The following TASP1 variants were observed in gnomAD, a reference collection of about 807,000 sequenced individuals.
The protein encoded by TASP1 is taspase 1, also known as threonine aspartase 1.
A neutral mutation model predicts 56.6 loss-of-function variants in TASP1; 16 were observed. The ratio of observed to expected loss-of-function variants is 0.28; its 90% confidence interval spans 0.19 to 0.43. The LOEUF (loss-of-function observed/expected upper bound fraction) is 0.43, where lower values mean the gene tolerates loss of function less well. Among genes scored for constraint, TASP1 ranks in the 20% least tolerant of loss-of-function variants. The pLI is 1.00. For missense variants in TASP1, 393 were observed against 511.6 expected, an observed-to-expected ratio of 0.77 and a Z score of 2.24; for synonymous variants, 179 against 184.2, an observed-to-expected ratio of 0.97 and a Z score of 0.23.
chr20:13,636,238 C>T (rs952823057), intron 1 of TASP1, among the ~76,000 whole-genome samples: 8 of 149,712 alleles, frequency 5.3e-5, no homozygotes, highest in Non-Finnish European at 8.9e-5. Context: ...CTCTGCCTCC[C>T]AGGTTCAAGC....
the TASP1 span, among the ~76,000 whole-genome samples, chr20:13,127,149 G>T: frequency 2.0e-5 from 3 of 152,140 alleles, no homozygotes; most frequent in East Asian, 5.8e-4. Context: ...GCCACCACTG[G>T]CCATTGAGGA....
chr20:13,565,946 G>A (rs540349714), intron 7 of TASP1, among the ~76,000 whole-genome samples: 4 of 152,274 alleles, frequency 2.6e-5, no homozygotes, highest in Non-Finnish European at 4.4e-5. Context: ...TGTAACCCAC[G>A]TATTCATCAG....
chr20:13,243,731 T>A, the TASP1 span, among the ~76,000 whole-genome samples: 1 of 152,198 alleles, frequency 6.6e-6, no homozygotes, highest in Admixed American at 6.5e-5. Context: ...GCTATATCCA[T>A]CACCGTTAAG....
chr20:13,474,669 T>G (rs1028664666), intron 11 of TASP1, among the ~76,000 whole-genome samples: 1 of 152,166 alleles, frequency 6.6e-6, no homozygotes, highest in African/African-American at 2.4e-5. Flanking sequence ...GACTGCTGGA[T>G]CAAATGGTAG....
At chr20:13,497,590 C>T (rs78856885) in intron 10 of TASP1, among the ~76,000 whole-genome samples, 2,548 of 152,160 alleles carry the variant, frequency 0.017, 72 homozygotes, top group African/African-American at 0.056. Context: ...TGCTCGGATC[C>T]CAGCCTTTGC....
chr20:13,212,695 T>A, the TASP1 span, among the ~76,000 whole-genome samples: 1 of 152,176 alleles, frequency 6.6e-6, no homozygotes, highest in Non-Finnish European at 1.5e-5. Context: ...AAACTACAAT[T>A]TCAGAATCAA....
At chr20:13,328,657 G>A in the TASP1 span, among the ~76,000 whole-genome samples, 1 of 152,174 alleles carries the variant, frequency 6.6e-6, no homozygotes, top group Non-Finnish European at 1.5e-5. Flanking sequence ...CCTTTGCAGG[G>A]ACATGCATGG....
the TASP1 span, among the ~76,000 whole-genome samples, chr20:13,350,705 T>C: frequency 2.0e-5 from 3 of 152,040 alleles, no homozygotes; most frequent in African/African-American, 7.2e-5. Flanking sequence ...TATACATTTT[T>C]AGAGACAGAG....
At chr20:13,562,998 ACACACACATAGG>A (rs2046399900) in intron 7 of TASP1, among the ~76,000 whole-genome samples, 3 of 141,678 alleles carry the variant, frequency 2.1e-5, no homozygotes, top group Non-Finnish European at 4.6e-5. Flanking sequence ...ACACATATAT[ACACACACATAGG>A]TGTATATATA....
rs59833009 is a variant in TASP1 at position 13,398,373 on chromosome 20, T to TAA, written c.1171-7923_1171-7922dup. Reference sequence around the variant, plus strand: ...TGGGTCCTGGCAGGTGCTCTCTCTTTAAAAAAAAAAAAGCGGGGGGCAGTG... The same window carrying TAA: ...TGGGTCCTGGCAGGTGCTCTCTCTTTAAAAAAAAAAAAAAGCGGGGGGCAGTG... On this transcript the variant is annotated intron_variant, in intron 13 of 13. Transcript: ENST00000337743. Among the ~76,000 whole-genome samples, 597 of 142,632 alleles carry TAA rather than the reference T, an allele frequency of 4.2e-3. 2 individuals carry two copies. Among genetic ancestry groups the TAA allele is most frequent in the East Asian group, 0.011 (52 of 4,898 alleles). The allele number at this position is 142,632 out of a possible 152,430, so 93.6% of individuals were successfully genotyped here. A position where few individuals can be genotyped will look rare whatever the true frequency, so the allele number is the denominator to read the frequency against.
At chr20:13,107,761 G>A in the TASP1 span, among the ~76,000 whole-genome samples, 27 of 144,850 alleles carry the variant, frequency 1.9e-4, no homozygotes, top group African/African-American at 7.3e-4. Flanking sequence ...TTAAAGAAAG[G>A]AAAGGAAAAT....
chr20:13,594,227 C>A (rs2047642742), intron 4 of TASP1, among the ~76,000 whole-genome samples: 1 of 152,102 alleles, frequency 6.6e-6, no homozygotes, highest in South Asian at 2.1e-4. Context: ...CTGTAGGTCA[C>A]CAACATCAAA....
chr20:13,511,862 T>G (rs1292146522), intron 10 of TASP1, among the ~76,000 whole-genome samples: 1 of 151,402 alleles, frequency 6.6e-6, no homozygotes, highest in Non-Finnish European at 1.5e-5. Flanking sequence ...GGTGTTTGGT[T>G]TTTTGTCCTT....
At chr20:13,345,198 T>G in the TASP1 span, among the ~76,000 whole-genome samples, 1 of 152,362 alleles carries the variant, frequency 6.6e-6, no homozygotes, top group East Asian at 1.9e-4. Context: ...TCTCAGTCCA[T>G]CTACCCTGAC....
chr20:13,231,320 C>T, the TASP1 span, among the ~76,000 whole-genome samples: 4 of 152,184 alleles, frequency 2.6e-5, no homozygotes, highest in African/African-American at 4.8e-5. Context: ...TACCCCATGC[C>T]CTCCCGGAGC....
chr20:13,219,384 G>T, the TASP1 span, among the ~76,000 whole-genome samples: 61 of 152,220 alleles, frequency 4.0e-4, no homozygotes, highest in African/African-American at 1.4e-3. Flanking sequence ...GGATTTAAAA[G>T]CTGCTGGGAT....
chr20:13,163,762 C>T, the TASP1 span, among the ~76,000 whole-genome samples: 2 of 152,148 alleles, frequency 1.3e-5, no homozygotes, highest in Non-Finnish European at 2.9e-5. Flanking sequence ...ACAACCCTCA[C>T]CTTACCTTTT....
the TASP1 span, among the ~76,000 whole-genome samples, chr20:13,145,207 G>T: frequency 1.3e-5 from 2 of 152,164 alleles, no homozygotes; most frequent in African/African-American, 4.8e-5. Context: ...AACTATCTCT[G>T]CAGACAACAT....
chr20:13,378,597 G>T, the TASP1 span, among the ~76,000 whole-genome samples: 1 of 152,060 alleles, frequency 6.6e-6, no homozygotes, highest in Non-Finnish European at 1.5e-5. Flanking sequence ...GGTCTGCTTG[G>T]TCCAGAGCTG....
Sources: allele counts gnomAD v4.1 joint callset (sites outside exome capture counted in the v4.1 genomes callset), GRCh38; gene constraint gnomAD v4.1.1; transcripts MANE v1.5; gene names NCBI Gene and HGNC (gene_info 2026-07-23, HGNC 2026-07-21).